RAD51B: variants seen among roughly 807,000 people sequenced by gnomAD.
The protein encoded by RAD51B is DNA repair protein RAD51 homolog 2.
In RAD51B, 38 loss-of-function variants were observed where a neutral mutation model predicts 42.2. That is an observed-to-expected ratio of 0.90 (90% confidence interval 0.70 to 1.18). The LOEUF is 1.18. Ranked by LOEUF, RAD51B falls within the 50% of genes most tolerant of loss-of-function variation. The pLI, the probability that RAD51B is intolerant of heterozygous loss-of-function variation, is 0.00. For missense variants in RAD51B, 373 were observed against 400.7 expected (o/e 0.93, Z 0.59); for synonymous variants, 154 against 145.2 (o/e 1.06, Z -0.43).
At chr14:68,368,557 A>G (rs1479014923) in intron 8 of RAD51B, among the ~76,000 whole-genome samples, 6 of 152,216 alleles carry the variant, frequency 3.9e-5, no homozygotes, top group Admixed American at 3.9e-4. Flanking sequence ...TCTTCCATTC[A>G]ACTCCAGAAG....
At chr14:68,127,795 C>T (rs916744366) in intron 7 of RAD51B, among the ~76,000 whole-genome samples, 11 of 152,132 alleles carry the variant, frequency 7.2e-5, no homozygotes, top group African/African-American at 2.4e-4. Context: ...GGTATTCTGT[C>T]ATTTCTTAGA....
intron 7 of RAD51B, among the ~76,000 whole-genome samples, chr14:68,207,847 A>T (rs2079624430): frequency 6.6e-6 from 1 of 150,514 alleles, no homozygotes; most frequent in Non-Finnish European, 1.5e-5. Flanking sequence ...CTCATTTGAG[A>T]TTTTTTTTTT....
At chr14:68,469,057 G>C in intron 10 of RAD51B, 1 of 496,768 alleles carries the variant, frequency 2.0e-6, no homozygotes, top group Non-Finnish European at 4.1e-6. Context: ...GATCTGCACA[G>C]AAGTGCTCAG....
intron 11 of RAD51B, among the ~76,000 whole-genome samples, chr14:68,654,916 A>T (rs1231874107): frequency 6.6e-6 from 1 of 152,092 alleles, no homozygotes; most frequent in Non-Finnish European, 1.5e-5. Flanking sequence ...ATTTGGCTTC[A>T]TGCAAGCCCT....
chr14:68,629,175 A>G (rs1374978945), intron 10 of RAD51B, among the ~76,000 whole-genome samples: 1 of 152,110 alleles, frequency 6.6e-6, no homozygotes, highest in Admixed American at 6.5e-5. Context: ...TGAGGTTGGG[A>G]CATTGTTCAA....
intron 4 of RAD51B, among the ~76,000 whole-genome samples, chr14:67,856,666 T>C (rs533323565): frequency 1.3e-5 from 2 of 152,272 alleles, no homozygotes; most frequent in South Asian, 4.2e-4. Flanking sequence ...GATAAGATTT[T>C]AGGTCCTAAC....
chr14:68,632,905 A>G (rs963703230), intron 10 of RAD51B, among the ~76,000 whole-genome samples: 1 of 147,020 alleles, frequency 6.8e-6, no homozygotes, highest in African/African-American at 2.5e-5. Context: ...CCTCCTGAGT[A>G]GCTGGTACTG....
At position 68,511,668 on chromosome 14, in the gene RAD51B, G is replaced by A. The variant is rs948036826; in HGVS notation, c.1036+43418G>A. On this transcript the variant is annotated intron_variant, in intron 10 of 10. Coordinates refer to the RAD51B transcript ENST00000487270. ...CATGTAAGAACTAGTCTACAATAAA[G>A]AAGCTATTAAGGCGTGTTCAGAGAA... is the stretch of plus-strand genomic sequence containing the variant. Among the ~76,000 whole-genome samples, 68 of 152,212 alleles carry A rather than the reference G, an allele frequency of 4.5e-4. 1 individual carries two copies. Among genetic ancestry groups the A allele is most frequent in the Admixed American group, 3.0e-3 (46 of 15,280 alleles).
chr14:68,270,611 T>G (rs1006247547), intron 7 of RAD51B, among the ~76,000 whole-genome samples: 1 of 152,222 alleles, frequency 6.6e-6, no homozygotes, highest in African/African-American at 2.4e-5. Context: ...TTTATGGGAA[T>G]AGTTTTATAA....
intron 9 of RAD51B, among the ~76,000 whole-genome samples, chr14:68,427,715 G>A (rs2084887834): frequency 6.6e-6 from 1 of 152,202 alleles, no homozygotes; most frequent in Admixed American, 6.5e-5. Flanking sequence ...TGATTTAGAT[G>A]AGACTCTGGA....
At chr14:68,071,192 A>G (rs1160592027) in intron 7 of RAD51B, among the ~76,000 whole-genome samples, 1 of 152,168 alleles carries the variant, frequency 6.6e-6, no homozygotes, top group Non-Finnish European at 1.5e-5. Flanking sequence ...TCCCAGGTAT[A>G]GTATCATATT....
chr14:68,528,703 C>G, intron 10 of RAD51B, among the ~76,000 whole-genome samples: 1 of 20,266 alleles, frequency 4.9e-5, no homozygotes, highest in Non-Finnish European at 1.0e-4. Flanking sequence ...GACGGAGTCT[C>G]GCTCTGTCGC....
intron 8 of RAD51B, among the ~76,000 whole-genome samples, chr14:68,300,808 T>G (rs2081715762): frequency 6.6e-6 from 1 of 152,328 alleles, no homozygotes. Flanking sequence ...CAGGGACATA[T>G]AACAGAGGCA....
chr14:68,082,043 C>T (rs1463853443), intron 7 of RAD51B, among the ~76,000 whole-genome samples: 1 of 152,042 alleles, frequency 6.6e-6, no homozygotes, highest in Non-Finnish European at 1.5e-5. Flanking sequence ...TCACTGCAAC[C>T]TCCACCTTCT....
intron 8 of RAD51B, among the ~76,000 whole-genome samples, chr14:68,306,473 G>A (rs796393454): frequency 7.2e-5 from 11 of 152,284 alleles, no homozygotes; most frequent in African/African-American, 2.2e-4. Context: ...GGTCAGCTGA[G>A]ACAAGCATGA....
At chr14:68,388,074 G>GTA (rs1195024727) in intron 8 of RAD51B, among the ~76,000 whole-genome samples, 19 of 118,672 alleles carry the variant, frequency 1.6e-4, no homozygotes, top group South Asian at 1.2e-3. Context: ...GTGTGTGTGT[G>GTA]TGTGTATATA....
intron 7 of RAD51B, among the ~76,000 whole-genome samples, chr14:67,950,790 TA>T (rs2074429554): frequency 1.3e-5 from 2 of 152,008 alleles, no homozygotes; most frequent in Admixed American, 1.3e-4. Context: ...GGGGCCATTT[TA>T]TGGTTATTTC....
At chr14:67,924,672 CCT>C (rs1404583970) in intron 7 of RAD51B, among the ~76,000 whole-genome samples, 3 of 152,144 alleles carry the variant, frequency 2.0e-5, no homozygotes, top group Non-Finnish European at 4.4e-5. Flanking sequence ...AATATCCACC[CCT>C]GTAATTCAGT....
chr14:68,251,343 C>A (rs1335237827), intron 7 of RAD51B, among the ~76,000 whole-genome samples: 1 of 152,126 alleles, frequency 6.6e-6, no homozygotes, highest in African/African-American at 2.4e-5. Flanking sequence ...ATTAAAATTC[C>A]TTCTTAAAAG....
Sources: gnomAD v4.1 joint callset for allele counts (sites outside exome capture counted in the v4.1 genomes callset) on GRCh38, gnomAD v4.1.1 for gene constraint, MANE v1.5 for transcripts, NCBI Gene and HGNC (gene_info 2026-07-23, HGNC 2026-07-21) for gene names.